Variants in BCR observed in about 807,000 individuals in gnomAD.
The protein encoded by BCR is BCR activator of RhoGEF and GTPase.
In BCR, 58 loss-of-function variants were observed where a neutral mutation model predicts 138.6. The observed-to-expected ratio is 0.42, with a 90% CI of 0.34 to 0.52. BCR has a LOEUF of 0.52. Ranked by LOEUF, BCR falls within the 20% of genes least tolerant of loss-of-function variation. BCR has a pLI of 0.06. For missense variants in BCR, 1,599 were observed against 1,727.2 expected (o/e 0.93, Z 1.32); for synonymous variants, 786 against 730.1 (o/e 1.08, Z -1.23).
chr22:23,278,337 C>T (rs544161222), intron 8 of BCR, among the ~76,000 whole-genome samples: 142 of 152,266 alleles, frequency 9.3e-4, no homozygotes, highest in African/African-American at 3.0e-3. Context: ...GCAGGAAGGC[C>T]CTGGAGGAGG....
At chr22:23,262,755 A>G (rs2146277460) in intron 4 of BCR, 2 of 917,540 alleles carry the variant, frequency 2.2e-6, no homozygotes, top group East Asian at 1.2e-4. Context: ...AAGCTGCAGG[A>G]AGGGAGGGTG....
At chr22:23,226,172 C>T (rs1411513122) in intron 1 of BCR, among the ~76,000 whole-genome samples, 1 of 152,216 alleles carries the variant, frequency 6.6e-6, no homozygotes, top group Non-Finnish European at 1.5e-5. Context: ...TGTTTTCCAG[C>T]AGAATCTCCA....
At chr22:23,304,852 C>T (rs112127229) in intron 16 of BCR, among the ~76,000 whole-genome samples, 28,003 of 152,118 alleles carry the variant, frequency 0.18, 2,918 homozygotes, top group Non-Finnish European at 0.23. Context: ...CGGTGGCTTA[C>T]GCCTGTAATC....
intron 1 of BCR, among the ~76,000 whole-genome samples, chr22:23,186,294 T>C (rs2072341649): frequency 6.6e-6 from 1 of 152,254 alleles, no homozygotes; most frequent in Admixed American, 6.5e-5. Flanking sequence ...TATGCTTAAC[T>C]TAAAATTTAC....
rs1220804617 is a variant in BCR at position 23,181,947 on chromosome 22, C to G, written c.987C>G (p.Thr329=). The G allele has an allele frequency of 6.2e-7, 1 of 1,613,030 alleles. No homozygotes were observed. Among genetic ancestry groups the G allele is most frequent in the African/African-American group, 1.3e-5 (1 of 75,054 alleles). Reference sequence around the variant, plus strand: ...TTGAGGATTGCGGAGGCGGCTATACCCCGGACTGCAGCTCCAATGAGAACC... The same window carrying G: ...TTGAGGATTGCGGAGGCGGCTATACGCCGGACTGCAGCTCCAATGAGAACC... ...RSFEDCGGGY[T]PDCSSNENLT... is the part of the protein sequence containing the mutation. Residue 329 remains threonine, a synonymous_variant, in exon 1 of 23, where the codon ACC becomes ACG. Coordinates refer to ENST00000305877, the MANE Select transcript of BCR (RefSeq NM_004327.4).
At chr22:23,256,759 T>C (rs553280108) in intron 2 of BCR, among the ~76,000 whole-genome samples, 6 of 152,238 alleles carry the variant, frequency 3.9e-5, no homozygotes, top group South Asian at 4.2e-4. Flanking sequence ...CAGTTCCAGC[T>C]CCCGCCCTCA....
chr22:23,287,794 A>G (rs1360401044), intron 11 of BCR, among the ~76,000 whole-genome samples: 1 of 152,200 alleles, frequency 6.6e-6, no homozygotes, highest in Non-Finnish European at 1.5e-5. Flanking sequence ...GGTCTGGATC[A>G]ACGTTCACCT....
At chr22:23,222,888 T>A (rs779469218) in intron 1 of BCR, among the ~76,000 whole-genome samples, 2 of 152,128 alleles carry the variant, frequency 1.3e-5, no homozygotes, top group Non-Finnish European at 2.9e-5. Context: ...CTGGGCTGTT[T>A]ATAAACAAGA....
chr22:23,234,272 G>A (rs2072996781), intron 1 of BCR, among the ~76,000 whole-genome samples: 1 of 152,200 alleles, frequency 6.6e-6, no homozygotes, highest in African/African-American at 2.4e-5. Flanking sequence ...TCACTCCCAA[G>A]TCCGAGGAAC....
Position 23,194,015 on chromosome 22 carries a change from G to A in BCR, c.1279+11776G>A, listed in dbSNP as rs981071113. On this transcript the variant is annotated intron_variant, in intron 1 of 22. Coordinates refer to ENST00000305877, the MANE Select transcript of BCR (RefSeq NM_004327.4). ...ATCCAGTTCTCTGTCCCTGAGGCAC[G>A]GAGGTGGTTGTGCTGGGCTCAGAGC... Among the ~76,000 whole-genome samples, 7 of 152,220 alleles carry A rather than the reference G, an allele frequency of 4.6e-5. No homozygotes were observed. In the South Asian group the frequency reaches 6.2e-4, roughly 14 times the overall value.
chr22:23,314,321 G>C (rs1292269249), intron 21 of BCR, among the ~76,000 whole-genome samples: 1 of 152,138 alleles, frequency 6.6e-6, no homozygotes, highest in Non-Finnish European at 1.5e-5. Context: ...CAGTGCACTT[G>C]GACCCCCCTC....
intron 1 of BCR, among the ~76,000 whole-genome samples, chr22:23,220,401 CCT>C (rs1165519431): frequency 6.6e-6 from 1 of 152,198 alleles, no homozygotes; most frequent in Non-Finnish European, 1.5e-5. Flanking sequence ...CCTCCTGCTG[CCT>C]CTCTGCCTGG....
At chr22:23,296,780 A>G (rs578029536) in intron 16 of BCR, among the ~76,000 whole-genome samples, 3 of 152,334 alleles carry the variant, frequency 2.0e-5, no homozygotes, top group Admixed American at 2.0e-4. Context: ...CTAAAACAAA[A>G]TAAATTAACT....
At chr22:23,262,516 A>G (rs1022885331) in intron 4 of BCR, among the ~76,000 whole-genome samples, 1 of 152,174 alleles carries the variant, frequency 6.6e-6, no homozygotes, top group Admixed American at 6.5e-5. Flanking sequence ...AGGAGGCTGT[A>G]TTTTGATACA....
At chr22:23,201,404 C>G (rs2072551690) in intron 1 of BCR, among the ~76,000 whole-genome samples, 1 of 152,234 alleles carries the variant, frequency 6.6e-6, no homozygotes. Flanking sequence ...CCACCCTGTT[C>G]ATAGGCAGTT....
chr22:23,289,652 C>T, intron 13 of BCR, 31 bp downstream of exon 13: 4 of 1,580,248 alleles, frequency 2.5e-6, no homozygotes, highest in Non-Finnish European at 3.5e-6. Flanking sequence ...GTACAGGGCA[C>T]CTGCAGGGAG....
At chr22:23,263,380 G>T in intron 4 of BCR, 1 of 1,248,580 alleles carries the variant, frequency 8.0e-7, no homozygotes, top group Non-Finnish European at 1.2e-6. Flanking sequence ...ACGCGGCTCG[G>T]CACCAACCTG....
intron 1 of BCR, among the ~76,000 whole-genome samples, chr22:23,252,427 C>CTTTTTTTTTTTT (rs371986661): frequency 3.0e-4 from 36 of 119,486 alleles, no homozygotes; most frequent in East Asian, 9.6e-4. Flanking sequence ...TTTTTCTTTT[C>CTTTTTTTTTTTT]TTTTCTTTTT....
chr22:23,195,148 C>T (rs534193571), intron 1 of BCR, among the ~76,000 whole-genome samples: 16 of 151,766 alleles, frequency 1.1e-4, no homozygotes, highest in Non-Finnish European at 2.4e-4. Context: ...AGGCTGAGAG[C>T]AGTGGTTCAC....
Sources: gnomAD v4.1 joint callset for allele counts (sites outside exome capture counted in the v4.1 genomes callset) on GRCh38, gnomAD v4.1.1 for gene constraint, MANE v1.5 for transcripts, NCBI Gene and HGNC (gene_info 2026-07-23, HGNC 2026-07-21) for gene names.